The following SLC10A7 variants were observed in gnomAD, a reference collection of about 807,000 sequenced individuals.
SLC10A7 encodes the protein solute carrier family 10 member 7.
SLC10A7 carries 29 observed loss-of-function variants against 43.2 expected under a neutral mutation model. The observed-to-expected ratio is 0.67, with a 90% CI of 0.50 to 0.92. SLC10A7 has a LOEUF of 0.92. SLC10A7 is among the 40% of genes least tolerant of loss of function. The pLI, the probability that SLC10A7 is intolerant of heterozygous loss-of-function variation, is 0.00. For synonymous variants in SLC10A7, 152 were observed against 144.8 expected, an observed-to-expected ratio of 1.05 and a Z score of -0.35; for missense variants, 295 against 403.2, an observed-to-expected ratio of 0.73 and a Z score of 2.30.
intron 10 of SLC10A7, among the ~76,000 whole-genome samples, chr4:146,279,598 A>G (rs1729417947): frequency 6.6e-6 from 1 of 152,196 alleles, no homozygotes; most frequent in Non-Finnish European, 1.5e-5. Context: ...TTGACAAAAT[A>G]TAAAATTACC....
At chr4:146,275,436 A>G (rs1434702153) in intron 10 of SLC10A7, among the ~76,000 whole-genome samples, 2 of 152,146 alleles carry the variant, frequency 1.3e-5, no homozygotes, top group Non-Finnish European at 2.9e-5. Context: ...AACTCTCACT[A>G]CAGCTTAGCA....
chr4:146,457,723 A>C (rs983355705), intron 4 of SLC10A7, among the ~76,000 whole-genome samples: 3 of 151,974 alleles, frequency 2.0e-5, no homozygotes, highest in African/African-American at 7.2e-5. Flanking sequence ...TATGTCCCCA[A>C]ATATGAAAAC....
At chr4:146,496,354 G>A (rs1735899378) in intron 4 of SLC10A7, among the ~76,000 whole-genome samples, 1 of 152,068 alleles carries the variant, frequency 6.6e-6, no homozygotes, top group Non-Finnish European at 1.5e-5. Context: ...CACAGACAAG[G>A]GGGCCTCAAA....
At chr4:146,514,151 A>G (rs1737737356) in intron 2 of SLC10A7, 1 of 152,250 alleles carries the variant, frequency 6.6e-6, no homozygotes, top group African/African-American at 2.4e-5. Context: ...CTTGAAACAA[A>G]CAGCACACAT....
intron 5 of SLC10A7, among the ~76,000 whole-genome samples, chr4:146,357,043 GC>G (rs1239479889): frequency 6.6e-6 from 1 of 151,774 alleles, no homozygotes; most frequent in Non-Finnish European, 1.5e-5. Context: ...AAAGAAAGCT[GC>G]TTTGCTCAAT....
Position 146,256,378 on chromosome 4 carries a change from G to GT in SLC10A7, c.*112dup. The GT allele has an allele frequency of 2.0e-6, 2 of 999,380 alleles. No homozygotes were observed. The highest frequency in any genetic ancestry group is 3.1e-6 in the Non-Finnish European group (2 of 650,364). The allele number at this position is 999,380 out of a possible 1,614,324, so 61.9% of individuals were successfully genotyped here. A position where few individuals can be genotyped will look rare whatever the true frequency, so the allele number is the denominator to read the frequency against. On this transcript the variant is annotated 3_prime_UTR_variant, in exon 12 of 12. Coordinates refer to ENST00000335472, the MANE Select transcript of SLC10A7 (RefSeq NM_001029998.6). ...CTTAAACAGGATCTCATATTTTTGT[G>GT]TAAAAAAATAAAATATGCATTGAGG...
At chr4:146,430,718 A>G (rs1430641117) in intron 5 of SLC10A7, among the ~76,000 whole-genome samples, 1 of 152,186 alleles carries the variant, frequency 6.6e-6, no homozygotes, top group East Asian at 1.9e-4. Flanking sequence ...AGCTCAGAGT[A>G]TAACCATCCC....
chr4:146,354,398 C>T (rs1011231569), intron 5 of SLC10A7, among the ~76,000 whole-genome samples: 1 of 152,040 alleles, frequency 6.6e-6, no homozygotes, highest in African/African-American at 2.4e-5. Context: ...AGGACACAAA[C>T]AAATGGAAGA....
chr4:146,412,900 T>C (rs1045434046), intron 5 of SLC10A7, among the ~76,000 whole-genome samples: 1 of 152,114 alleles, frequency 6.6e-6, no homozygotes, highest in Admixed American at 6.6e-5. Context: ...AAATTTCACC[T>C]GGAAAAGGAT....
intron 4 of SLC10A7, among the ~76,000 whole-genome samples, chr4:146,499,779 A>G (rs1187863417): frequency 6.6e-6 from 1 of 152,216 alleles, no homozygotes; most frequent in Non-Finnish European, 1.5e-5. Flanking sequence ...ACACTTTTAG[A>G]AAACAAAGGA....
intron 4 of SLC10A7, among the ~76,000 whole-genome samples, chr4:146,445,541 T>C (rs538761575): frequency 6.6e-6 from 1 of 152,268 alleles, no homozygotes; most frequent in East Asian, 1.9e-4. Flanking sequence ...TTACAATCAC[T>C]GCTCTTTTAG....
chr4:146,440,210 T>G (rs1398205796), intron 5 of SLC10A7, among the ~76,000 whole-genome samples: 1 of 152,178 alleles, frequency 6.6e-6, no homozygotes, highest in Non-Finnish European at 1.5e-5. Context: ...TAAGGAGTGC[T>G]GGTATTGTGT....
At chr4:146,272,669 C>G (rs910914569) in intron 10 of SLC10A7, among the ~76,000 whole-genome samples, 1 of 152,078 alleles carries the variant, frequency 6.6e-6, no homozygotes, top group Non-Finnish European at 1.5e-5. Context: ...TGTTTTTTAT[C>G]GATCTCTGTT....
chr4:146,510,060 T>G lies in SLC10A7; in HGVS notation c.184-11A>C. 1 of 1,589,620 alleles carries G rather than the reference T, an allele frequency of 6.3e-7. No individual in the cohort carries two copies. Among genetic ancestry groups the G allele is most frequent in the African/African-American group, 1.4e-5 (1 of 73,372 alleles). On this transcript the variant is annotated splice_polypyrimidine_tract_variant and intron_variant, in intron 2 of 11. Coordinates refer to ENST00000335472, the MANE Select transcript of SLC10A7 (RefSeq NM_001029998.6). ...AGCACTGGTCAGCTCCTGGAAAAAT[T>G]AAGGAAACAAAATAAACAAAGGTAA...
chr4:146,320,046 GAA>G (rs1165720664), intron 6 of SLC10A7, among the ~76,000 whole-genome samples: 1 of 152,006 alleles, frequency 6.6e-6, no homozygotes, highest in African/African-American at 2.4e-5. Context: ...TACTTGATAT[GAA>G]AAAAGAGGCA....
At chr4:146,303,097 G>C (rs949291991) in intron 7 of SLC10A7, among the ~76,000 whole-genome samples, 3 of 152,178 alleles carry the variant, frequency 2.0e-5, no homozygotes, top group Non-Finnish European at 4.4e-5. Context: ...AGTATCTAAT[G>C]ACTGGTCAGT....
At chr4:146,390,455 C>A (rs999678031) in intron 5 of SLC10A7, among the ~76,000 whole-genome samples, 2 of 151,964 alleles carry the variant, frequency 1.3e-5, no homozygotes, top group Non-Finnish European at 2.9e-5. Flanking sequence ...ATGGAGAAAC[C>A]GTATCTCTAC....
intron 10 of SLC10A7, among the ~76,000 whole-genome samples, chr4:146,269,881 A>G (rs1230611830): frequency 6.6e-6 from 1 of 152,218 alleles, no homozygotes; most frequent in Non-Finnish European, 1.5e-5. Flanking sequence ...TTAAAAAGTA[A>G]ATGTGAGTAG....
intron 5 of SLC10A7, among the ~76,000 whole-genome samples, chr4:146,328,619 C>T (rs528126299): frequency 6.4e-4 from 98 of 152,284 alleles, no homozygotes; most frequent in African/African-American, 2.2e-3. Context: ...ACTCCACCAC[C>T]ACCTCTGGGG....
Sources: allele counts gnomAD v4.1 joint callset (sites outside exome capture counted in the v4.1 genomes callset), GRCh38; gene constraint gnomAD v4.1.1; transcripts MANE v1.5; gene names NCBI Gene and HGNC (gene_info 2026-07-23, HGNC 2026-07-21).